The following XKR9 variants were observed in gnomAD, a reference collection of about 807,000 sequenced individuals.
XKR9 encodes the protein XK-related protein 9.
XKR9 carries 32 observed loss-of-function variants against 32.0 expected under a neutral mutation model. That is an observed-to-expected ratio of 1.00 (90% confidence interval 0.76 to 1.34). The LOEUF (loss-of-function observed/expected upper bound fraction) is 1.34. XKR9 is among the 40% of genes most tolerant of loss of function. XKR9 has a pLI of 0.00. For missense variants in XKR9, 546 were observed against 429.7 expected (o/e 1.27, Z -2.39); for synonymous variants, 168 against 143.4 (o/e 1.17, Z -1.22).
intron 2 of XKR9, among the ~76,000 whole-genome samples, chr8:70,783,569 A>G (rs1807644878): frequency 6.6e-6 from 1 of 152,052 alleles, no homozygotes; most frequent in African/African-American, 2.4e-5. Context: ...GCTGAGTTTT[A>G]ACTGAGTTGT....
intron 2 of XKR9, among the ~76,000 whole-genome samples, chr8:70,788,235 A>G (rs774349520): frequency 1.3e-5 from 2 of 152,098 alleles, no homozygotes; most frequent in Non-Finnish European, 2.9e-5. Flanking sequence ...GTTAGTGTAC[A>G]TGAATTGTGC....
chr8:70,916,986 T>G, the XKR9 span, among the ~76,000 whole-genome samples: 1 of 152,332 alleles, frequency 6.6e-6, no homozygotes, highest in African/African-American at 2.4e-5. Flanking sequence ...TTGATATATT[T>G]GACAAGATGT....
At chr8:70,791,056 A>G (rs752195794), downstream of XKR9, among the ~76,000 whole-genome samples, 1 of 152,052 alleles carries the variant, frequency 6.6e-6, no homozygotes, top group Non-Finnish European at 1.5e-5. Context: ...CACCTTGGGA[A>G]TTGGGGGAGG....
the XKR9 span, among the ~76,000 whole-genome samples, chr8:70,939,040 A>C: frequency 6.6e-6 from 1 of 151,092 alleles, no homozygotes; most frequent in African/African-American, 2.4e-5. Context: ...AGATTTCATC[A>C]TTGACAGCTA....
chr8:71,000,240 A>G, the XKR9 span, among the ~76,000 whole-genome samples: 1 of 152,220 alleles, frequency 6.6e-6, no homozygotes, highest in Non-Finnish European at 1.5e-5. Flanking sequence ...GAACCCAGCT[A>G]TCTCATTTTT....
chr8:70,917,421 C>T, the XKR9 span, among the ~76,000 whole-genome samples: 1 of 152,084 alleles, frequency 6.6e-6, no homozygotes. Context: ...CGTCTATGTC[C>T]TGCTCCTAAA....
At chr8:70,960,728 T>C in the XKR9 span, among the ~76,000 whole-genome samples, 1 of 151,292 alleles carries the variant, frequency 6.6e-6, no homozygotes, top group Non-Finnish European at 1.5e-5. Context: ...AAAAAATAGC[T>C]GAATGTAGTG....
At chr8:70,866,812 A>G in the XKR9 span, among the ~76,000 whole-genome samples, 1 of 152,270 alleles carries the variant, frequency 6.6e-6, no homozygotes, top group East Asian at 1.9e-4. Flanking sequence ...AAGAAATAAT[A>G]CAAATAATAG....
downstream of XKR9, among the ~76,000 whole-genome samples, chr8:70,738,287 T>C (rs1433659854): frequency 2.1e-5 from 3 of 144,166 alleles, no homozygotes; most frequent in African/African-American, 5.0e-5. Flanking sequence ...CTGATGGTAG[T>C]TTGTATTTCT....
At chr8:70,966,060 A>G in the XKR9 span, among the ~76,000 whole-genome samples, 1 of 152,094 alleles carries the variant, frequency 6.6e-6, no homozygotes, top group Non-Finnish European at 1.5e-5. Flanking sequence ...TTAGTGCAAT[A>G]AATTTCCCTC....
At chr8:70,851,281 G>C in the XKR9 span, among the ~76,000 whole-genome samples, 1 of 152,134 alleles carries the variant, frequency 6.6e-6, no homozygotes, top group Non-Finnish European at 1.5e-5. Context: ...GGAAATAAGA[G>C]AGCACACAAA....
chr8:70,882,187 C>A, the XKR9 span, among the ~76,000 whole-genome samples: 16 of 152,004 alleles, frequency 1.1e-4, no homozygotes, highest in African/African-American at 3.6e-4. Context: ...GTGCAGCAAA[C>A]CAACATGGTT....
chr8:71,014,359 G>A, the XKR9 span, among the ~76,000 whole-genome samples: 1 of 152,188 alleles, frequency 6.6e-6, no homozygotes, highest in East Asian at 1.9e-4. Flanking sequence ...CTGGAGGCCA[G>A]AAGTCTGAAA....
chr8:70,940,624 C>G, the XKR9 span, among the ~76,000 whole-genome samples: 3 of 152,034 alleles, frequency 2.0e-5, no homozygotes, highest in Non-Finnish European at 2.9e-5. Flanking sequence ...TCTTTTGCCT[C>G]TGTTTCTCTC....
chr8:70,841,810 A>G, the XKR9 span, among the ~76,000 whole-genome samples: 13 of 152,282 alleles, frequency 8.5e-5, no homozygotes, highest in African/African-American at 3.1e-4. Context: ...TTTCCCCCAT[A>G]GTGGTGGTAT....
the XKR9 span, among the ~76,000 whole-genome samples, chr8:70,925,585 A>G: frequency 6.6e-6 from 1 of 152,244 alleles, no homozygotes; most frequent in Admixed American, 6.5e-5. Context: ...ACAAAAAAAT[A>G]TGGTTGGCAT....
At chr8:70,722,737 T>G (rs1806324033) in intron 4 of XKR9, among the ~76,000 whole-genome samples, 1 of 152,190 alleles carries the variant, frequency 6.6e-6, no homozygotes, top group South Asian at 2.1e-4. Context: ...CATTTTTTCC[T>G]TCATTTCAAC....
the XKR9 span, among the ~76,000 whole-genome samples, chr8:70,853,463 TCTATACATCTAC>T: frequency 4.0e-5 from 6 of 151,224 alleles, no homozygotes; most frequent in African/African-American, 9.7e-5. Flanking sequence ...AAACTAAACA[TCTATACATCTAC>T]CTATACATCT....
the XKR9 span, among the ~76,000 whole-genome samples, chr8:70,993,347 G>C: frequency 6.6e-6 from 1 of 152,092 alleles, no homozygotes; most frequent in Non-Finnish European, 1.5e-5. Flanking sequence ...TACTCTTCTT[G>C]TTATTAGGTT....
Sources: allele counts gnomAD v4.1 joint callset (sites outside exome capture counted in the v4.1 genomes callset), GRCh38; gene constraint gnomAD v4.1.1; transcripts MANE v1.5; gene names NCBI Gene and HGNC (gene_info 2026-07-23, HGNC 2026-07-21).